Variants in JAK1 observed in about 807,000 individuals in gnomAD.
JAK1 encodes the protein Janus kinase 1.
Under a neutral mutation model 136.6 loss-of-function variants are expected in JAK1, and 16 were observed. The observed-to-expected ratio is 0.12, with a 90% confidence interval of 0.08 to 0.18. The LOEUF is 0.18. JAK1 is among the 10% of genes least tolerant of loss of function. JAK1 has a pLI of 1.00. For missense variants in JAK1, 859 were observed against 1,450.1 expected, an observed-to-expected ratio of 0.59 and a Z score of 6.62; for synonymous variants, 492 against 519.5, an observed-to-expected ratio of 0.95 and a Z score of 0.72.
In JAK1 at chr1:64,855,567, G is replaced by A. The variant is rs2230586; in HGVS notation, c.1590C>T (p.Ile530=). The stretch of plus-strand genomic sequence containing the variant: ...TGAAGCTGATGTTATCCGTGCGCAG[G>A]ATCTGCTTCTTGAGGTGGCTCATGA... ...GDLMSHLKKQ[I]LRTDNISFML... is the part of the protein sequence containing the mutation. The change falls in exon 11 of 25, where the codon ATC becomes ATT. Residue 530 remains isoleucine (I), a synonymous_variant. Transcript: ENST00000342505. The A allele has an allele frequency of 0.064, 102,845 of 1,614,064 alleles. 4,051 individuals are homozygous for A. The highest frequency in any genetic ancestry group is 0.16 in the Admixed American group (9,421 of 60,000).
At chr1:65,058,354 C>T in intron 1 of JAK1, 1 of 532,322 alleles carries the variant, frequency 1.9e-6, no homozygotes, top group Non-Finnish European at 3.9e-6. Context: ...TTCTGGGTCC[C>T]AGCCACCTGT....
upstream of JAK1, among the ~76,000 whole-genome samples, chr1:64,967,187 A>G (rs576575613): frequency 5.3e-4 from 81 of 152,368 alleles, no homozygotes; most frequent in African/African-American, 1.9e-3. Context: ...TCCATGAGGA[A>G]CAAATTAAGT....
upstream of JAK1, among the ~76,000 whole-genome samples, chr1:64,970,151 A>AAAAAAAAAAAAAAAAAC (rs1256701898): frequency 2.0e-5 from 3 of 148,140 alleles, no homozygotes; most frequent in African/African-American, 7.7e-5. Context: ...AAAAAAAAAA[A>AAAAAAAAAAAAAAAAAC]AAAACGGCCG....
At chr1:64,876,978 A>G (rs1644680976) in intron 4 of JAK1, among the ~76,000 whole-genome samples, 1 of 152,206 alleles carries the variant, frequency 6.6e-6, no homozygotes, top group African/African-American at 2.4e-5. Context: ...GTGAAATTCA[A>G]TTGTTTAAAA....
chr1:64,989,391 G>GA, intron 2 of JAK1: 1 of 151,740 alleles, frequency 6.6e-6, no homozygotes, highest in Non-Finnish European at 1.5e-5. Context: ...AAAATGGTAG[G>GA]AAAGTTTTGT....
chr1:64,878,575 A>G (rs1429938196), intron 4 of JAK1, among the ~76,000 whole-genome samples: 1,061 of 57,186 alleles, frequency 0.019, 11 homozygotes, highest in Non-Finnish European at 0.026. Context: ...ATATATATAT[A>G]TATATATATA....
intron 1 of JAK1, among the ~76,000 whole-genome samples, chr1:64,905,154 T>C (rs1645170201): frequency 6.6e-6 from 1 of 152,202 alleles, no homozygotes; most frequent in African/African-American, 2.4e-5. Context: ...TCCCACATCT[T>C]TCTGCAAGTC....
At chr1:65,005,498 G>A (rs1646796980) in intron 2 of JAK1, among the ~76,000 whole-genome samples, 2 of 152,128 alleles carry the variant, frequency 1.3e-5, no homozygotes, top group South Asian at 2.1e-4. Flanking sequence ...GTGCATACGG[G>A]TAACAATAAT....
At chr1:64,885,089 C>T (rs567470457) in intron 2 of JAK1, among the ~76,000 whole-genome samples, 8 of 152,166 alleles carry the variant, frequency 5.3e-5, no homozygotes, top group Non-Finnish European at 1.2e-4. Context: ...ACCAGATATG[C>T]CTCAATGCTA....
intron 12 of JAK1, 84 bp from the exon 13 acceptor site, chr1:64,847,759 T>A: frequency 6.8e-7 from 1 of 1,481,266 alleles, no homozygotes; most frequent in South Asian, 1.3e-5. Flanking sequence ...AATGGGAACA[T>A]GGACTATCAA....
At chr1:64,938,652 C>T (rs935427796) in intron 1 of JAK1, among the ~76,000 whole-genome samples, 3 of 152,218 alleles carry the variant, frequency 2.0e-5, no homozygotes, top group African/African-American at 7.2e-5. Flanking sequence ...ACAGTATTCA[C>T]TGTAAATCAA....
intron 2 of JAK1, among the ~76,000 whole-genome samples, chr1:64,885,999 A>T (rs1475821615): frequency 6.6e-6 from 1 of 152,250 alleles, no homozygotes; most frequent in Non-Finnish European, 1.5e-5. Context: ...AATCTAGAAG[A>T]ACGTACAATA....
rs146413366 is a variant in JAK1 at position 64,868,976 on chromosome 1, G to T, written c.647+335C>A. The stretch of plus-strand genomic sequence containing the variant: ...GTACTGAGAAGGATTTTTAAGATGG[G>T]TCCAAAACAAAAGGAAAAAATGCAG... On this transcript the variant is annotated intron_variant, in intron 6 of 24. Transcript: ENST00000342505. Among the ~76,000 whole-genome samples the T allele has an allele frequency of 7.4e-3, 1,133 of 152,224 alleles. 14 individuals are homozygous for T. The highest frequency in any genetic ancestry group is 0.026 in the African/African-American group (1,066 of 41,538).
At chr1:65,064,586 G>A (rs1221165222) in intron 1 of JAK1, among the ~76,000 whole-genome samples, 2 of 152,242 alleles carry the variant, frequency 1.3e-5, no homozygotes, top group Non-Finnish European at 2.9e-5. Flanking sequence ...CACTGAGTGA[G>A]ATTCAAAGAC....
At chr1:65,023,202 A>G (rs951878103) in intron 2 of JAK1, 11 of 152,140 alleles carry the variant, frequency 7.2e-5, no homozygotes, top group African/African-American at 2.4e-4. Flanking sequence ...CCCTAGGCTT[A>G]AGTGATTCTC....
intron 1 of JAK1, among the ~76,000 whole-genome samples, chr1:64,959,381 T>G (rs1557726653): frequency 6.6e-6 from 1 of 152,242 alleles, no homozygotes; most frequent in Non-Finnish European, 1.5e-5. Flanking sequence ...AAAAGGGCAT[T>G]CCATAGAAAC....
intron 2 of JAK1, among the ~76,000 whole-genome samples, chr1:64,974,891 G>C (rs1330773975): frequency 6.6e-6 from 1 of 151,770 alleles, no homozygotes; most frequent in Non-Finnish European, 1.5e-5. Context: ...GTTTTTGTTT[G>C]TTTGTTTTGT....
chr1:65,033,543 T>C (rs766206895), intron 2 of JAK1, among the ~76,000 whole-genome samples: 1 of 151,806 alleles, frequency 6.6e-6, no homozygotes, highest in Non-Finnish European at 1.5e-5. Flanking sequence ...TTATATAGTA[T>C]CTGATTTCAT....
rs2100993281 is a variant in JAK1 at position 64,844,721 on chromosome 1, G to A, written c.2251+33C>T. The A allele has an allele frequency of 6.2e-7, 1 of 1,613,446 alleles. No individual in the cohort carries two copies. Among genetic ancestry groups the A allele is most frequent in the Non-Finnish European group, 8.5e-7 (1 of 1,179,758 alleles). ...CTCTGCTGACTTGCCCCTGACTCGG[G>A]GTGGGGCCAGAGGGAAGAGAGGGGA... On this transcript the variant is annotated intron_variant, in intron 16 of 24. Coordinates refer to ENST00000342505, the MANE Select transcript of JAK1 (RefSeq NM_002227.4). The surrounding 1 kb of genome is among the most constrained non-coding windows in gnomAD (Gnocchi z 5.7).
Sources: gnomAD v4.1 joint callset for allele counts (sites outside exome capture counted in the v4.1 genomes callset) on GRCh38, gnomAD v4.1.1 for gene constraint, Gnocchi (gnomAD v3.1) non-coding constraint, MANE v1.5 for transcripts, NCBI Gene and HGNC (gene_info 2026-07-23, HGNC 2026-07-21) for gene names.